The following COP1 variants were observed in gnomAD, a reference collection of about 807,000 sequenced individuals.
The protein encoded by COP1 is COP1 E3 ubiquitin ligase.
In COP1, 24 loss-of-function variants were observed where a neutral mutation model predicts 101.3. The observed-to-expected ratio is 0.24, with a 90% CI of 0.17 to 0.33. The LOEUF (loss-of-function observed/expected upper bound fraction) is 0.33, where lower values mean the gene tolerates loss of function less well. COP1 is among the 10% of genes least tolerant of loss of function. The probability of loss-of-function intolerance (pLI) is 1.00; values close to 1 mark genes in which losing one functional copy is unlikely to be tolerated. For missense variants in COP1, 663 were observed against 906.2 expected (o/e 0.73, Z 3.45); for synonymous variants, 347 against 341.9 (o/e 1.01, Z -0.17).
chr1:176,187,803 G>GA (rs1698659450), intron 1 of COP1, among the ~76,000 whole-genome samples: 1 of 152,088 alleles, frequency 6.6e-6, no homozygotes, highest in African/African-American at 2.4e-5. Flanking sequence ...ACCAAAAAGA[G>GA]AAAATACGGG....
intron 5 of COP1, among the ~76,000 whole-genome samples, chr1:176,149,526 C>T (rs918393661): frequency 2.0e-5 from 3 of 152,180 alleles, no homozygotes; most frequent in Non-Finnish European, 4.4e-5. Flanking sequence ...GTCAAATTTA[C>T]TATTTCTAGT....
At chr1:175,971,022 T>C (rs1417747439) in intron 18 of COP1, among the ~76,000 whole-genome samples, 3 of 152,132 alleles carry the variant, frequency 2.0e-5, no homozygotes, top group Admixed American at 1.3e-4. Flanking sequence ...AATGAGGAGA[T>C]GAAAAGCAGA....
In COP1 at chr1:175,998,085, AAAAAAG is replaced by A. The variant is rs1411837156; in HGVS notation, c.1730-8612_1730-8607del. Among the ~76,000 whole-genome samples the A allele has an allele frequency of 2.7e-3, 340 of 127,080 alleles. 3 individuals are homozygous for A. Among genetic ancestry groups the A allele is most frequent in the Middle Eastern group, 0.013 (3 of 236 alleles). 83.4% of individuals were successfully genotyped at this position (127,080 alleles called of 152,430 possible). A position where few individuals can be genotyped will look rare whatever the true frequency, so the allele number is the denominator to read the frequency against. On this transcript the variant is annotated intron_variant, in intron 15 of 19. Coordinates refer to ENST00000367669, the MANE Select transcript of COP1 (RefSeq NM_022457.7). The stretch of plus-strand genomic sequence containing the variant: ...AATTAAAAAAAAAAAAAAAAAAAAA[AAAAAAG>A]AAAATGTGGCACATATACACCATGG...
At chr1:176,000,997 T>C (rs1412837626) in intron 15 of COP1, among the ~76,000 whole-genome samples, 1 of 152,080 alleles carries the variant, frequency 6.6e-6, no homozygotes, top group Non-Finnish European at 1.5e-5. Flanking sequence ...ATTATGGCCA[T>C]ACATATTACA....
Position 176,042,687 on chromosome 1 carries a change from C to A in COP1, c.1612+499G>T, listed in dbSNP as rs561446762. ...TGGAGGTTGCAGTGAGCCGAGACTGCGCCACTGCACTCCAGCCTGGGCGAC... is the reference window on the plus strand; with the variant it reads ...TGGAGGTTGCAGTGAGCCGAGACTGAGCCACTGCACTCCAGCCTGGGCGAC... On this transcript the variant is annotated intron_variant, in intron 14 of 19. Coordinates refer to ENST00000367669, the MANE Select transcript of COP1 (RefSeq NM_022457.7). 5.6e-5 allele frequency among the ~76,000 whole-genome samples: 8 copies of A among 142,684 alleles called. No homozygotes were observed. In the South Asian group the frequency reaches 1.6e-3, roughly 29 times the overall value. The allele number at this position is 142,684 out of a possible 152,430, so 93.6% of individuals were successfully genotyped here.
intron 15 of COP1, among the ~76,000 whole-genome samples, chr1:176,026,865 G>A (rs1350247986): frequency 6.6e-6 from 1 of 151,688 alleles, no homozygotes; most frequent in African/African-American, 2.4e-5. Flanking sequence ...TATTCAAGGG[G>A]GAAAATATGA....
intron 5 of COP1, among the ~76,000 whole-genome samples, chr1:176,151,572 CTTCT>C (rs907182290): frequency 1.3e-5 from 2 of 152,036 alleles, no homozygotes; most frequent in African/African-American, 2.4e-5. Context: ...GAACATTGGT[CTTCT>C]TTATTTTCCT....
chr1:176,079,121 G>A (rs1356244292), intron 11 of COP1, among the ~76,000 whole-genome samples: 1 of 152,060 alleles, frequency 6.6e-6, no homozygotes, highest in Non-Finnish European at 1.5e-5. Flanking sequence ...ATTTGACCCA[G>A]CAATCCCATT....
intron 18 of COP1, among the ~76,000 whole-genome samples, chr1:175,952,303 T>C (rs1650042128): frequency 6.6e-6 from 1 of 151,612 alleles, no homozygotes; most frequent in African/African-American, 2.4e-5. Context: ...GAGCCTGTAA[T>C]CCCAGCTACT....
In COP1 at chr1:176,130,064, A is replaced by G. The variant is rs141245057; in HGVS notation, c.968+4946T>C. Reference sequence around the variant, plus strand: ...CTAAAATCCACATTTGTTAATCCATATAACGTCCACCCAGTTTACCGCTCT... The same window carrying G: ...CTAAAATCCACATTTGTTAATCCATGTAACGTCCACCCAGTTTACCGCTCT... On this transcript the variant is annotated intron_variant, in intron 8 of 19. Transcript: ENST00000367669. 2.6e-3 allele frequency among the ~76,000 whole-genome samples: 399 copies of G among 151,892 alleles called. 3 individuals are homozygous for G. Among genetic ancestry groups the G allele is most frequent in the African/African-American group, 9.2e-3 (381 of 41,540 alleles).
chr1:175,972,746 G>T (rs1653571430), intron 18 of COP1, among the ~76,000 whole-genome samples: 1 of 152,088 alleles, frequency 6.6e-6, no homozygotes, highest in Non-Finnish European at 1.5e-5. Context: ...AACTACAGGT[G>T]TAAGCCACTG....
At chr1:176,126,466 C>G (rs1479691556) in intron 8 of COP1, among the ~76,000 whole-genome samples, 1 of 151,054 alleles carries the variant, frequency 6.6e-6, no homozygotes, top group Non-Finnish European at 1.5e-5. Flanking sequence ...TTTTTCTTTT[C>G]TTTTTTTTTG....
intron 11 of COP1, among the ~76,000 whole-genome samples, chr1:176,068,734 A>T (rs985661211): frequency 6.6e-5 from 10 of 152,202 alleles, no homozygotes; most frequent in African/African-American, 2.4e-4. Context: ...CACTCTAAAG[A>T]TTTACAAAGG....
chr1:175,950,118 T>C (rs6425367), intron 18 of COP1, among the ~76,000 whole-genome samples: 103,226 of 151,870 alleles, frequency 0.68, 36,628 homozygotes, highest in East Asian at 0.92. Context: ...AACCTCAGGA[T>C]TACTATGGCA....
intron 14 of COP1, among the ~76,000 whole-genome samples, chr1:176,030,027 C>T (rs1304013952): frequency 2.0e-5 from 3 of 152,112 alleles, no homozygotes; most frequent in Non-Finnish European, 4.4e-5. Flanking sequence ...TCATAGCTCA[C>T]TGCAGCCTTG....
intron 11 of COP1, among the ~76,000 whole-genome samples, chr1:176,079,652 C>A: frequency 6.6e-6 from 1 of 150,918 alleles, no homozygotes. Flanking sequence ...AAAAAAGGTT[C>A]AAGGTATTAA....
intron 8 of COP1, among the ~76,000 whole-genome samples, chr1:176,125,018 G>C (rs115328639): frequency 1.1e-4 from 17 of 152,190 alleles, no homozygotes; most frequent in Non-Finnish European, 2.1e-4. Flanking sequence ...GATGATCAAT[G>C]ATGTTGAACA....
chr1:176,072,285 G>A (rs1409901426), intron 11 of COP1, among the ~76,000 whole-genome samples: 1 of 152,274 alleles, frequency 6.6e-6, no homozygotes, highest in South Asian at 2.1e-4. Flanking sequence ...ACTTACTCTG[G>A]ATCCTCTCCC....
intron 11 of COP1, among the ~76,000 whole-genome samples, chr1:176,052,423 C>T (rs988849417): frequency 2.0e-5 from 3 of 152,126 alleles, no homozygotes; most frequent in African/African-American, 7.2e-5. Context: ...CTGAAACAGC[C>T]TCCTTATCAA....
Sources: gnomAD v4.1 joint callset for allele counts (sites outside exome capture counted in the v4.1 genomes callset) on GRCh38, gnomAD v4.1.1 for gene constraint, MANE v1.5 for transcripts, NCBI Gene and HGNC (gene_info 2026-07-23, HGNC 2026-07-21) for gene names.